Variants in NCAM1 observed in about 807,000 individuals in gnomAD.
The protein encoded by NCAM1 is antigen recognized by monoclonal antibody 5.1H11.
NCAM1 carries 14 observed loss-of-function variants against 109.8 expected under a neutral mutation model. The ratio of observed to expected loss-of-function variants is 0.13; its 90% CI spans 0.08 to 0.20. The LOEUF is 0.20. Among genes scored for constraint, NCAM1 ranks in the 10% least tolerant of loss-of-function variants. The pLI is 1.00. For synonymous variants in NCAM1, 418 were observed against 442.9 expected (o/e 0.94, Z 0.70); for missense variants, 774 against 1,109.9 (o/e 0.70, Z 4.30).
intron 1 of NCAM1, among the ~76,000 whole-genome samples, chr11:113,010,222 CT>C (rs1952011846): frequency 6.6e-6 from 1 of 152,068 alleles, no homozygotes; most frequent in South Asian, 2.1e-4. Context: ...ATTGCAGACC[CT>C]TTTTATATAT....
At chr11:113,056,055 A>G (rs1214813433) in intron 1 of NCAM1, among the ~76,000 whole-genome samples, 1 of 140,786 alleles carries the variant, frequency 7.1e-6, no homozygotes, top group Non-Finnish European at 1.5e-5. Flanking sequence ...ACACACACCC[A>G]ATGAAATACT....
intron 1 of NCAM1, among the ~76,000 whole-genome samples, chr11:113,048,620 A>T (rs1290905505): frequency 3.3e-5 from 5 of 152,202 alleles, no homozygotes; most frequent in Admixed American, 6.5e-5. Context: ...TGAGTAAAGG[A>T]CTGTGCTTTG....
chr11:113,038,703 T>C (rs955598400), intron 1 of NCAM1, among the ~76,000 whole-genome samples: 6 of 152,196 alleles, frequency 3.9e-5, no homozygotes, highest in Middle Eastern at 3.2e-3. Context: ...CCAAAAGAAC[T>C]CTAGGATTTG....
chr11:113,214,139 C>A (rs187499350), intron 7 of NCAM1, among the ~76,000 whole-genome samples: 16 of 152,330 alleles, frequency 1.1e-4, no homozygotes, highest in Admixed American at 5.2e-4. Flanking sequence ...GCATTCCTTG[C>A]CCTTATCACT....
intron 8 of NCAM1, among the ~76,000 whole-genome samples, chr11:113,216,319 T>A (rs1208505111): frequency 6.6e-6 from 1 of 151,682 alleles, no homozygotes; most frequent in African/African-American, 2.4e-5. Context: ...CCGGCTAATT[T>A]TTTTTTGTAT....
chr11:113,153,453 TGAGAGA>T (rs10669540), intron 1 of NCAM1, among the ~76,000 whole-genome samples: 55 of 141,278 alleles, frequency 3.9e-4, no homozygotes, highest in African/African-American at 1.1e-3. Context: ...AGACAGAGAG[TGAGAGA>T]GAGAGAGAGA....
intron 1 of NCAM1, among the ~76,000 whole-genome samples, chr11:113,073,644 G>A (rs1309696862): frequency 1.3e-5 from 2 of 152,046 alleles, no homozygotes; most frequent in Non-Finnish European, 2.9e-5. Flanking sequence ...ATATCCTGAG[G>A]CCATATGGAA....
chr11:112,988,824 C>G lies in NCAM1; in HGVS notation c.52+27160C>G, dbSNP rs138996136. 1.3e-3 allele frequency among the ~76,000 whole-genome samples: 200 copies of G among 151,092 alleles called. 2 individuals carry two copies. Among genetic ancestry groups the G allele is most frequent in the African/African-American group, 4.7e-3 (195 of 41,176 alleles). ...AGTGCAGTGGCCCAATCTCAGCTCACTGCAACTCTGTCTCTTAGGTTCAAG... is the reference window on the plus strand; with the variant it reads ...AGTGCAGTGGCCCAATCTCAGCTCAGTGCAACTCTGTCTCTTAGGTTCAAG... On this transcript the variant is annotated intron_variant, in intron 1 of 19. Coordinates refer to ENST00000316851, the MANE Select transcript of NCAM1 (RefSeq NM_181351.5).
intron 1 of NCAM1, among the ~76,000 whole-genome samples, chr11:113,103,659 A>C (rs1419421788): frequency 6.6e-6 from 1 of 152,184 alleles, no homozygotes; most frequent in African/African-American, 2.4e-5. Flanking sequence ...ATTTGGGATG[A>C]AATGTCCACT....
Position 113,271,995 on chromosome 11 carries a change from G to A in NCAM1, c.2456+119G>A, listed in dbSNP as rs569261944. 1.8e-5 allele frequency: 12 copies of A among 684,310 alleles called. No homozygotes were observed. The South Asian group carries it at 2.3e-4, about 13-fold the overall frequency. 42.4% of individuals were successfully genotyped at this position (684,310 alleles called of 1,614,324 possible). ...CTCCCGGCCAAACAGTTCAGGCCAGGATTCCAAACCCTTGGCCACAAGACC... is the reference window on the plus strand; with the variant it reads ...CTCCCGGCCAAACAGTTCAGGCCAGAATTCCAAACCCTTGGCCACAAGACC... On this transcript the variant is annotated intron_variant, in intron 19 of 19. Transcript: ENST00000316851.
At chr11:113,058,835 C>T (rs565678667) in intron 1 of NCAM1, among the ~76,000 whole-genome samples, 6 of 152,306 alleles carry the variant, frequency 3.9e-5, no homozygotes, top group Admixed American at 2.0e-4. Flanking sequence ...ACTGGGAGCA[C>T]GTTATATTCT....
chr11:113,118,302 G>C lies in NCAM1; in HGVS notation c.53-84077G>C, dbSNP rs1019783310. On this transcript the variant is annotated intron_variant, in intron 1 of 19. Transcript: ENST00000316851. The stretch of plus-strand genomic sequence containing the variant: ...TGGAGAGGAGTCCTGCTTCTGTTCA[G>C]CTGTTCTTTTAGCCTGACAGGGAGA... 4.6e-5 allele frequency among the ~76,000 whole-genome samples: 7 copies of C among 152,000 alleles called. No individual in the cohort carries two copies. In the East Asian group the frequency reaches 1.2e-3, roughly 25 times the overall value.
In NCAM1 at chr11:113,232,819, G is replaced by A; in HGVS notation, c.1522+5G>A. The A allele has an allele frequency of 6.2e-7, 1 of 1,611,872 alleles. No homozygotes were observed. The highest frequency in any genetic ancestry group is 1.1e-5 in the South Asian group (1 of 91,026). On this transcript the variant is annotated splice_donor_5th_base_variant and intron_variant, in intron 12 of 19. Transcript: ENST00000316851. ...AATTCATCCTTGTTCAAGCAGGTGAGTGTCCCTTACTCACCTGAGAGCAGC... is the reference window on the plus strand; with the variant it reads ...AATTCATCCTTGTTCAAGCAGGTGAATGTCCCTTACTCACCTGAGAGCAGC...
At chr11:113,045,942 G>A (rs1591278888) in intron 1 of NCAM1, among the ~76,000 whole-genome samples, 1 of 152,156 alleles carries the variant, frequency 6.6e-6, no homozygotes, top group Non-Finnish European at 1.5e-5. Flanking sequence ...GCTCTGAGGT[G>A]AGATGAATAG....
At chr11:113,182,683 G>A (rs868993815) in intron 1 of NCAM1, among the ~76,000 whole-genome samples, 2 of 152,174 alleles carry the variant, frequency 1.3e-5, no homozygotes, top group Non-Finnish European at 2.9e-5. Flanking sequence ...AGTTAGGGGC[G>A]GTGCTGTGTT....
chr11:113,275,338 C>G lies in NCAM1; in HGVS notation c.2528C>G (p.Thr843Arg), dbSNP rs376721251. 4 of 1,613,468 alleles carry G rather than the reference C, an allele frequency of 2.5e-6. No homozygotes were observed. The highest frequency in any genetic ancestry group is 1.7e-6 in the Non-Finnish European group (2 of 1,179,748). The change falls in exon 20 of 20, where the codon ACG becomes AGG. Residue 843 changes from threonine to arginine, a missense_variant. Transcript: ENST00000316851. ...AAGCCAGCGCCAGCCGAAGTCAAGA[C>G]GGTCCCCAATGACGCCACACAGACA... ...ETKPAPAEVK[T>R]VPNDATQTKE...
chr11:113,154,002 A>G (rs1942326813), intron 1 of NCAM1, among the ~76,000 whole-genome samples: 1 of 152,262 alleles, frequency 6.6e-6, no homozygotes, highest in African/African-American at 2.4e-5. Context: ...GGCAATGCAT[A>G]TCTGAACAGA....
intron 1 of NCAM1, among the ~76,000 whole-genome samples, chr11:112,995,423 TA>T (rs1951567364): frequency 6.6e-6 from 1 of 152,236 alleles, no homozygotes; most frequent in African/African-American, 2.4e-5. Context: ...CATTTTAATG[TA>T]AGCTAAACTG....
At chr11:113,260,367 T>G (rs782209342) in intron 17 of NCAM1, 44 bp downstream of exon 17, 13 of 1,586,494 alleles carry the variant, frequency 8.2e-6, no homozygotes, top group Non-Finnish European at 1.1e-5. Flanking sequence ...TTTGAATTAA[T>G]GCACAAGTGC....
Sources: allele counts gnomAD v4.1 joint callset (sites outside exome capture counted in the v4.1 genomes callset), GRCh38; gene constraint gnomAD v4.1.1; transcripts MANE v1.5; gene names NCBI Gene and HGNC (gene_info 2026-07-23, HGNC 2026-07-21).